AUTS2: variants seen among roughly 807,000 people sequenced by gnomAD.
AUTS2 encodes the protein activator of transcription and developmental regulator AUTS2.
A neutral mutation model predicts 112.4 loss-of-function variants in AUTS2; 17 were observed. The ratio of observed to expected loss-of-function variants is 0.15; its 90% CI spans 0.10 to 0.23. The LOEUF (loss-of-function observed/expected upper bound fraction) is 0.23, where lower values mean the gene tolerates loss of function less well. AUTS2 is among the 10% of genes least tolerant of loss of function. The probability of loss-of-function intolerance (pLI) is 1.00; values close to 1 mark genes in which losing one functional copy is unlikely to be tolerated. For missense variants in AUTS2, 1,510 were observed against 1,701.6 expected (o/e 0.89, Z 1.98); for synonymous variants, 751 against 702.7 (o/e 1.07, Z -1.09).
chr7:69,840,132 G>A (rs1791909487), intron 1 of AUTS2, among the ~76,000 whole-genome samples: 1 of 152,024 alleles, frequency 6.6e-6, no homozygotes, highest in Non-Finnish European at 1.5e-5. Flanking sequence ...ATTGTTTTAG[G>A]TTTTAGTTGA....
At chr7:70,580,793 G>A (rs538044954) in intron 5 of AUTS2, among the ~76,000 whole-genome samples, 2 of 152,312 alleles carry the variant, frequency 1.3e-5, no homozygotes, top group Admixed American at 6.5e-5. Flanking sequence ...GAAGTTTTAC[G>A]TTGTGTTTAA....
In AUTS2 at chr7:70,739,003, C is replaced by CTTTTTTTTTTT. The variant is rs57525224; in HGVS notation, c.743-23843_743-23833dup. Among the ~76,000 whole-genome samples the CTTTTTTTTTTT allele has an allele frequency of 2.6e-3, 151 of 57,294 alleles. 20 individuals carry two copies. Among genetic ancestry groups the CTTTTTTTTTTT allele is most frequent in the Non-Finnish European group, 3.5e-3 (111 of 31,702 alleles). 37.6% of individuals were successfully genotyped at this position (57,294 alleles called of 152,430 possible). A position where few individuals can be genotyped will look rare whatever the true frequency, so the allele number is the denominator to read the frequency against. ...GGTGATGTCCACGAGGTTTTGAGGC[C>CTTTTTTTTTTT]TTTTTTTTTTTTTTTTTTTTTTTTT... On this transcript the variant is annotated intron_variant, in intron 6 of 18. Transcript: ENST00000342771.
intron 1 of AUTS2, among the ~76,000 whole-genome samples, chr7:69,671,486 GGTGTGTGTGT>G (rs201047003): frequency 6.1e-4 from 85 of 138,610 alleles, no homozygotes; most frequent in Admixed American, 2.5e-3. Flanking sequence ...TGCTGCTGCT[GGTGTGTGTGT>G]GTGTGTGTGT....
Position 70,092,921 on chromosome 7 carries a change from G to A in AUTS2, c.523-25211G>A, listed in dbSNP as rs185548141. 2.0e-5 allele frequency among the ~76,000 whole-genome samples: 3 copies of A among 152,278 alleles called. No individual in the cohort carries two copies. In the East Asian group the frequency reaches 5.8e-4, roughly 29 times the overall value. On this transcript the variant is annotated intron_variant, in intron 2 of 18. Transcript: ENST00000342771. ...GGCCATGGGAAGCAGGCTGGTGACTGCTTTGAAATGAAAACCAGATCAAAC... is the reference window on the plus strand; with the variant it reads ...GGCCATGGGAAGCAGGCTGGTGACTACTTTGAAATGAAAACCAGATCAAAC...
At chr7:70,175,890 G>A (rs1808961077) in intron 4 of AUTS2, among the ~76,000 whole-genome samples, 1 of 152,014 alleles carries the variant, frequency 6.6e-6, no homozygotes, top group Admixed American at 6.6e-5. Flanking sequence ...TGTGTTCACT[G>A]GGAAACCAAA....
At position 70,421,502 on chromosome 7, in the gene AUTS2, C is replaced by G. The variant is rs747765295; in HGVS notation, c.661-14250C>G. 9.4e-4 allele frequency among the ~76,000 whole-genome samples: 143 copies of G among 152,324 alleles called. 1 individual carries two copies. The highest frequency in any genetic ancestry group is 2.0e-3 in the Admixed American group (31 of 15,302). ...CAATGCCATGCAGCTCTGATTGCCT[C>G]TGTCACAGGGGTGTTGTGACTGAAG... On this transcript the variant is annotated intron_variant, in intron 4 of 18. Coordinates refer to ENST00000342771, the MANE Select transcript of AUTS2 (RefSeq NM_015570.4).
intron 2 of AUTS2, among the ~76,000 whole-genome samples, chr7:69,997,323 A>G (rs935609254): frequency 3.9e-5 from 6 of 152,190 alleles, no homozygotes; most frequent in African/African-American, 9.7e-5. Flanking sequence ...TGGGGATGCA[A>G]TACCTTTTCA....
chr7:69,714,051 G>A (rs1418196635), intron 1 of AUTS2, among the ~76,000 whole-genome samples: 1 of 151,584 alleles, frequency 6.6e-6, no homozygotes, highest in African/African-American at 2.4e-5. Context: ...ATTAATTTTT[G>A]TATATGGATT....
intron 4 of AUTS2, among the ~76,000 whole-genome samples, chr7:70,303,473 C>G (rs1227906490): frequency 6.6e-6 from 1 of 151,378 alleles, no homozygotes; most frequent in African/African-American, 2.4e-5. Flanking sequence ...CACACACACA[C>G]AGTGCTGCTG....
At chr7:70,446,174 TCAGGGCCA>T (rs1453087177) in intron 5 of AUTS2, among the ~76,000 whole-genome samples, 2 of 152,246 alleles carry the variant, frequency 1.3e-5, no homozygotes, top group Non-Finnish European at 2.9e-5. Context: ...TCTGGGTCCA[TCAGGGCCA>T]CAGGGCCTTT....
intron 4 of AUTS2, among the ~76,000 whole-genome samples, chr7:70,434,291 A>C (rs1795799905): frequency 1.3e-5 from 2 of 152,204 alleles, no homozygotes; most frequent in African/African-American, 4.8e-5. Flanking sequence ...TGAGAAAGAA[A>C]ATACCTGGCA....
intron 2 of AUTS2, among the ~76,000 whole-genome samples, chr7:69,970,967 G>A (rs1354996762): frequency 6.6e-6 from 1 of 152,154 alleles, no homozygotes; most frequent in African/African-American, 2.4e-5. Context: ...GATCCCAGGA[G>A]TTCAAGACAA....
At chr7:69,809,829 A>C (rs1214424490) in intron 1 of AUTS2, among the ~76,000 whole-genome samples, 1 of 152,196 alleles carries the variant, frequency 6.6e-6, no homozygotes, top group Non-Finnish European at 1.5e-5. Context: ...ACACCCCGGA[A>C]GCACCCTGGT....
At chr7:70,064,080 A>G (rs1802379593) in intron 2 of AUTS2, among the ~76,000 whole-genome samples, 1 of 152,192 alleles carries the variant, frequency 6.6e-6, no homozygotes, top group South Asian at 2.1e-4. Context: ...TCAGCAAAGC[A>G]TCTTTAGCTT....
chr7:69,604,861 CTAGTT>C (rs1792623418), intron 1 of AUTS2, among the ~76,000 whole-genome samples: 1 of 152,198 alleles, frequency 6.6e-6, no homozygotes, highest in Non-Finnish European at 1.5e-5. Context: ...GAGGTTTAAA[CTAGTT>C]TAGAGTAAAG....
intron 4 of AUTS2, among the ~76,000 whole-genome samples, chr7:70,378,444 G>T (rs1027320711): frequency 2.6e-5 from 4 of 152,192 alleles, no homozygotes; most frequent in Non-Finnish European, 5.9e-5. Flanking sequence ...TGCACAAAAA[G>T]ATCTATGAGA....
intron 1 of AUTS2, among the ~76,000 whole-genome samples, chr7:69,868,905 A>T (rs1019222047): frequency 6.6e-6 from 1 of 152,184 alleles, no homozygotes; most frequent in Non-Finnish European, 1.5e-5. Context: ...AGCTTGGAAG[A>T]TGAAGAGCTG....
intron 5 of AUTS2, among the ~76,000 whole-genome samples, chr7:70,638,089 C>T (rs2129539616): frequency 6.6e-6 from 1 of 152,214 alleles, no homozygotes; most frequent in South Asian, 2.1e-4. Context: ...GCAGTGCTTC[C>T]CTGGATGAAG....
chr7:69,666,640 A>G (rs1796058943), intron 1 of AUTS2, among the ~76,000 whole-genome samples: 1 of 152,166 alleles, frequency 6.6e-6, no homozygotes, highest in African/African-American at 2.4e-5. Flanking sequence ...GGTGGCTCAC[A>G]CCTGTAATCC....
Sources: gnomAD v4.1 joint callset for allele counts (sites outside exome capture counted in the v4.1 genomes callset) on GRCh38, gnomAD v4.1.1 for gene constraint, MANE v1.5 for transcripts, NCBI Gene and HGNC (gene_info 2026-07-23, HGNC 2026-07-21) for gene names.